NIPA1: variants seen among roughly 807,000 people sequenced by gnomAD.
NIPA1 encodes the protein NIPA magnesium transporter 1.
In NIPA1, 13 loss-of-function variants were observed where a neutral mutation model predicts 23.9. The ratio of observed to expected loss-of-function variants is 0.54; its 90% confidence interval spans 0.35 to 0.87. The LOEUF (loss-of-function observed/expected upper bound fraction) is 0.87, where lower values mean the gene tolerates loss of function less well. NIPA1 is among the 40% of genes least tolerant of loss of function. The pLI is 0.01. For synonymous variants in NIPA1, 234 were observed against 202.9 expected, an observed-to-expected ratio of 1.15 and a Z score of -1.30; for missense variants, 362 against 429.7, an observed-to-expected ratio of 0.84 and a Z score of 1.39.
intron 4 of NIPA1, 43 bp downstream of exon 4, chr15:22,820,516 G>A: frequency 6.6e-7 from 1 of 1,522,696 alleles, no homozygotes; most frequent in Non-Finnish European, 9.1e-7. Context: ...TTTGCAGTAG[G>A]AGTGCCAACT....
chr15:22,821,460 T>C (rs12906377), intron 4 of NIPA1, among the ~76,000 whole-genome samples: 31,810 of 151,644 alleles, frequency 0.21, 3,876 homozygotes, highest in East Asian at 0.52. Flanking sequence ...CCATACTCGC[T>C]GGTTTGCATG....
Position 22,786,727 on chromosome 15 carries a change from G to A in NIPA1, c.71G>A (p.Ser24Asn). 1 of 1,239,310 alleles carries A rather than the reference G, an allele frequency of 8.1e-7. No individual in the cohort carries two copies. Among genetic ancestry groups the A allele is most frequent in the Non-Finnish European group, 1.0e-6 (1 of 972,224 alleles). The allele number at this position is 1,239,310 out of a possible 1,614,324, so 76.8% of individuals were successfully genotyped here. ...AAAGEGARSP[S>N]PAAVSLGLGV... Reference sequence around the variant, plus strand: ...GCCGGGGAGGGGGCGCGTAGCCCGAGCCCCGCCGCCGTGTCGCTCGGCCTG... The same window carrying A: ...GCCGGGGAGGGGGCGCGTAGCCCGAACCCCGCCGCCGTGTCGCTCGGCCTG... Residue 24 changes from serine to asparagine, a missense_variant, in exon 1 of 5, where the codon AGC (serine) becomes AAC (asparagine). Ser to Asn is a conservative substitution (Grantham distance 46, BLOSUM62 1). This residue lies in a region of NIPA1 where 85 missense variants were observed against 57.7 expected (regional missense o/e 1.47). Transcript: ENST00000337435.
chr15:22,787,028 C>G (rs959053102), intron 1 of NIPA1, among the ~76,000 whole-genome samples, 194 bp downstream of exon 1: 1 of 151,842 alleles, frequency 6.6e-6, no homozygotes, highest in African/African-American at 2.4e-5. Flanking sequence ...CGCTCGGGCC[C>G]GGGAGCGGCC....
chr15:22,802,951 CT>C (rs79886193), intron 1 of NIPA1, among the ~76,000 whole-genome samples: 30 of 149,378 alleles, frequency 2.0e-4, no homozygotes, highest in Non-Finnish European at 2.1e-4. Flanking sequence ...TGTTGATGAA[CT>C]TTTTTTTTTT....
intron 1 of NIPA1, among the ~76,000 whole-genome samples, chr15:22,802,907 T>TAA (rs1484154412): frequency 1.3e-5 from 2 of 152,172 alleles, no homozygotes; most frequent in East Asian, 3.8e-4. Flanking sequence ...AGTGTTGTGT[T>TAA]GTTTGAGTAT....
intron 1 of NIPA1, among the ~76,000 whole-genome samples, chr15:22,803,262 C>G (rs776869073): frequency 7.2e-5 from 11 of 151,866 alleles, no homozygotes; most frequent in Non-Finnish European, 1.6e-4. Flanking sequence ...TGGCTGGGTT[C>G]CCAAAGTGCT....
rs548642407 is a variant in NIPA1, at chr15:22,787,593, T to C, written c.178+759T>C. On this transcript the variant is annotated intron_variant, in intron 1 of 4. Transcript: ENST00000337435. ...TCTGCGGGGTAGAGCTCTCTGTCAGTGTCGTTTGTGCTGGGAGGCCCCGGA... is the reference window on the plus strand; with the variant it reads ...TCTGCGGGGTAGAGCTCTCTGTCAGCGTCGTTTGTGCTGGGAGGCCCCGGA... Among the ~76,000 whole-genome samples the C allele has an allele frequency of 2.7e-4, 41 of 152,262 alleles. No homozygotes were observed. In the South Asian group the frequency reaches 8.1e-3, roughly 30 times the overall value.
intron 1 of NIPA1, among the ~76,000 whole-genome samples, chr15:22,794,015 G>A (rs1365581097): frequency 6.6e-6 from 1 of 151,882 alleles, no homozygotes; most frequent in African/African-American, 2.4e-5. Context: ...CTTCAGCATT[G>A]TTCTTTTTGC....
At chr15:22,802,531 A>G (rs1423440168) in intron 1 of NIPA1, among the ~76,000 whole-genome samples, 3 of 152,142 alleles carry the variant, frequency 2.0e-5, no homozygotes. Context: ...AAGAAATTTA[A>G]CTGTCATTTA....
intron 1 of NIPA1, among the ~76,000 whole-genome samples, chr15:22,796,734 T>C (rs1273400850): frequency 1.3e-5 from 2 of 152,196 alleles, no homozygotes; most frequent in Admixed American, 1.3e-4. Flanking sequence ...GCCAGGAGCC[T>C]GTGAATGTAA....
intron 3 of NIPA1, chr15:22,819,310 C>G (rs995719554): frequency 3.9e-5 from 6 of 152,104 alleles, no homozygotes; most frequent in Non-Finnish European, 4.4e-5. Flanking sequence ...GTAATCCGGT[C>G]CATACCTGAG....
intron 1 of NIPA1, among the ~76,000 whole-genome samples, chr15:22,809,322 G>A (rs1895274048): frequency 6.6e-6 from 1 of 152,136 alleles, no homozygotes; most frequent in Non-Finnish European, 1.5e-5. Context: ...AGGAGGCAGA[G>A]GTTGTAGTCA....
Position 22,824,897 on chromosome 15 carries a change from G to T in NIPA1, c.*658G>T. The stretch of plus-strand genomic sequence containing the variant: ...TTTTCAATAGCTCAAATCAATTTCA[G>T]TGCCTTTATCACTTGAATTATTAAC... On this transcript the variant is annotated 3_prime_UTR_variant, in exon 5 of 5. Transcript: ENST00000337435. This position sits in a 1 kb window ranked among gnomAD's most constrained non-coding sequence, Gnocchi z 4.1. 6.7e-6 allele frequency: 1 copy of T among 149,170 alleles called. No individual in the cohort carries two copies. 9.2% of individuals were successfully genotyped at this position (149,170 alleles called of 1,614,324 possible).
At position 22,824,156 on chromosome 15, in the gene NIPA1, G is replaced by C. The variant is rs765591536; in HGVS notation, c.907G>C (p.Val303Leu). 5 of 1,613,402 alleles carry C rather than the reference G, an allele frequency of 3.1e-6. No homozygotes were observed. The highest frequency in any genetic ancestry group is 1.1e-5 in the South Asian group (1 of 91,080). ...GGCCTGTGGATTCACGACCGTCTCCGTGGGGATTGTCCTTATACAGGTGTT... is the reference window on the plus strand; with the variant it reads ...GGCCTGTGGATTCACGACCGTCTCCCTGGGGATTGTCCTTATACAGGTGTT... Reference protein sequence around the residue: ...GMACGFTTVSVGIVLIQVFKE... With the variant: ...GMACGFTTVSLGIVLIQVFKE... The change falls in exon 5 of 5, where the codon GTG (valine) becomes CTG (leucine). Residue 303 changes from valine (V) to leucine (L), a missense_variant. This residue lies in a region of NIPA1 where 277 missense variants were observed against 372.0 expected (regional missense o/e 0.74). Transcript: ENST00000337435. The surrounding 1 kb of genome is among the most constrained non-coding windows in gnomAD (Gnocchi z 4.1).
intron 1 of NIPA1, among the ~76,000 whole-genome samples, chr15:22,805,855 G>A (rs953996781): frequency 1.3e-5 from 2 of 152,018 alleles, no homozygotes; most frequent in Non-Finnish European, 2.9e-5. Context: ...ATAATTAGAA[G>A]GTAAATACAT....
In NIPA1 at chr15:22,827,138, T is replaced by A. The variant is rs1566790551; in HGVS notation, c.*2899T>A. The A allele has an allele frequency of 6.6e-6, 1 of 152,172 alleles. No individual in the cohort carries two copies. The highest frequency in any genetic ancestry group is 1.5e-5 in the Non-Finnish European group (1 of 68,026). 9.4% of individuals were successfully genotyped at this position (152,172 alleles called of 1,614,324 possible). A position where few individuals can be genotyped will look rare whatever the true frequency, so the allele number is the denominator to read the frequency against. ...AAAAGATGCTTACTGTATACTTGTT[T>A]TCAAGCATCCTCTAAAATCAAAGGT... On this transcript the variant is annotated 3_prime_UTR_variant, in exon 5 of 5. Transcript: ENST00000337435.
chr15:22,792,764 G>T (rs1467602964), intron 1 of NIPA1, among the ~76,000 whole-genome samples: 3 of 151,138 alleles, frequency 2.0e-5, no homozygotes, highest in African/African-American at 7.3e-5. Flanking sequence ...GACCAGCCTG[G>T]CCAGCGTGGT....
At position 22,786,667 on chromosome 15, in the gene NIPA1, C is replaced by A; in HGVS notation, c.11C>A (p.Ala4Glu). The change falls in exon 1 of 5, where the codon GCA becomes GAA. Residue 4 changes from alanine (A) to glutamate (E), a missense_variant. Around this residue, in one of 2 missense-constraint regions of NIPA1, gnomAD observed 85 missense variants for 57.7 expected, o/e 1.47. Transcript: ENST00000337435. The stretch of plus-strand genomic sequence containing the variant: ...GCGGGCGCGGGCGGAATGGGGACTG[C>A]AGCTGCGGCAGCGGCGGCGGCGGCG... MGTAAAAAAAAAAA... is the reference protein window; with the variant it reads MGTEAAAAAAAAAA... The A allele has an allele frequency of 9.3e-7, 1 of 1,071,992 alleles. No individual in the cohort carries two copies. Among genetic ancestry groups the A allele is most frequent in the Non-Finnish European group, 1.1e-6 (1 of 888,430 alleles). 66.4% of individuals were successfully genotyped at this position (1,071,992 alleles called of 1,614,324 possible). A position where few individuals can be genotyped will look rare whatever the true frequency, so the allele number is the denominator to read the frequency against.
chr15:22,808,249 T>A (rs1300201068), intron 1 of NIPA1, among the ~76,000 whole-genome samples: 2 of 152,224 alleles, frequency 1.3e-5, no homozygotes, highest in Non-Finnish European at 2.9e-5. Context: ...AAATCTAACA[T>A]TGATTCTGTA....
Sources: allele counts gnomAD v4.1 joint callset (sites outside exome capture counted in the v4.1 genomes callset), GRCh38; gene constraint gnomAD v4.1.1; regional missense constraint gnomAD v4.1.1; non-coding constraint Gnocchi (gnomAD v3.1); transcripts MANE v1.5; gene names NCBI Gene and HGNC (gene_info 2026-07-23, HGNC 2026-07-21).